The following KAZN variants were observed in gnomAD, a reference collection of about 807,000 sequenced individuals.
KAZN encodes kazrin.
KAZN carries 40 observed loss-of-function variants against 87.4 expected under a neutral mutation model. The observed-to-expected ratio is 0.46, with a 90% confidence interval of 0.36 to 0.60. The LOEUF (loss-of-function observed/expected upper bound fraction) is 0.60, where lower values mean the gene tolerates loss of function less well. Among genes scored for constraint, KAZN ranks in the 20% least tolerant of loss-of-function variants. The pLI is 0.00. For missense variants in KAZN, 898 were observed against 1,073.9 expected (o/e 0.84, Z 2.29); for synonymous variants, 466 against 458.3 (o/e 1.02, Z -0.22).
intron 1 of KAZN, among the ~76,000 whole-genome samples, chr1:14,173,651 G>GT (rs998156643): frequency 6.1e-5 from 9 of 148,476 alleles, no homozygotes; most frequent in East Asian, 2.2e-4. Context: ...GGGCTTTGTA[G>GT]TTCCCCTCCC....
At chr1:15,093,953 T>C (rs1185904514) in intron 8 of KAZN, among the ~76,000 whole-genome samples, 1 of 152,194 alleles carries the variant, frequency 6.6e-6, no homozygotes, top group Non-Finnish European at 1.5e-5. Flanking sequence ...TCATTTACTG[T>C]TTTATTTTTT....
chr1:14,816,544 C>A (rs575500802), intron 1 of KAZN, among the ~76,000 whole-genome samples: 2 of 152,206 alleles, frequency 1.3e-5, no homozygotes, highest in African/African-American at 4.8e-5. Context: ...GACTTCATGG[C>A]ACCAGCAAGG....
rs182391277 is a variant in KAZN at position 14,357,732 on chromosome 1, T to C, written c.249+177140T>C. Among the ~76,000 whole-genome samples the C allele has an allele frequency of 1.7e-3, 264 of 152,298 alleles. 2 individuals are homozygous for C. The highest frequency in any genetic ancestry group is 5.0e-3 in the African/African-American group (207 of 41,556). ...TTATGTGACGGATTACATTTATTGA[T>C]TTGTGTATGTTGAACCAGCCTTGCA... On this transcript the variant is annotated intron_variant, in intron 2 of 16. Transcript: ENST00000636203.
chr1:14,491,003 G>T (rs2148408015), intron 2 of KAZN, among the ~76,000 whole-genome samples: 1 of 152,288 alleles, frequency 6.6e-6, no homozygotes, highest in South Asian at 2.1e-4. Flanking sequence ...GAGAAGAATT[G>T]TCATTGTCAC....
intron 2 of KAZN, among the ~76,000 whole-genome samples, chr1:14,414,526 C>CA (rs1664585362): frequency 1.3e-5 from 2 of 151,892 alleles, no homozygotes; most frequent in East Asian, 1.9e-4. Flanking sequence ...TAATGCTTAG[C>CA]AAAAAATAAG....
In KAZN at chr1:14,856,224, GA is replaced by G. The variant is rs908213667; in HGVS notation, c.227-104458del. On this transcript the variant is annotated intron_variant, in intron 1 of 14. Transcript: ENST00000376030. The surrounding 1 kb of genome is among the most constrained non-coding windows in gnomAD (Gnocchi z 5.2). ...AATTGGGGAGGGGATGAAAAGAGGG[GA>G]AGGGAAGACCAGAAATAACTTTCCC... Among the ~76,000 whole-genome samples the G allele has an allele frequency of 2.0e-5, 3 of 152,094 alleles. No individual in the cohort carries two copies. The highest frequency in any genetic ancestry group is 7.2e-5 in the African/African-American group (3 of 41,412).
chr1:14,896,041 CTTTTTTTTTTTT>C (rs201188620), intron 1 of KAZN, among the ~76,000 whole-genome samples: 5 of 140,760 alleles, frequency 3.6e-5, no homozygotes, highest in East Asian at 2.1e-4. Flanking sequence ...AAAAAGACGC[CTTTTTTTTTTTT>C]TTTTTTTTTT....
intron 1 of KAZN, among the ~76,000 whole-genome samples, chr1:14,613,080 A>G (rs1433192174): frequency 6.6e-6 from 1 of 152,192 alleles, no homozygotes; most frequent in Non-Finnish European, 1.5e-5. Flanking sequence ...TGCTCCCAGG[A>G]TGAGCCGAAC....
intron 2 of KAZN, among the ~76,000 whole-genome samples, chr1:14,488,186 T>C (rs1398591523): frequency 6.6e-6 from 1 of 152,200 alleles, no homozygotes; most frequent in African/African-American, 2.4e-5. Context: ...CTCTTCAGTA[T>C]CATGTAGAGG....
intron 2 of KAZN, among the ~76,000 whole-genome samples, chr1:14,188,042 A>G (rs1489617783): frequency 6.6e-6 from 1 of 152,164 alleles, no homozygotes; most frequent in Admixed American, 6.5e-5. Flanking sequence ...GCAACTGACT[A>G]TAAATATGGG....
intron 2 of KAZN, among the ~76,000 whole-genome samples, chr1:14,254,417 C>G (rs531151882): frequency 5.3e-5 from 8 of 152,178 alleles, no homozygotes; most frequent in African/African-American, 7.2e-5. Flanking sequence ...AAGCTGCACT[C>G]GACCATTCCT....
intron 2 of KAZN, among the ~76,000 whole-genome samples, chr1:14,180,809 A>G (rs1646181748): frequency 1.3e-5 from 2 of 152,188 alleles, no homozygotes; most frequent in Non-Finnish European, 2.9e-5. Flanking sequence ...ACAGCTTAAG[A>G]ACAGTATATT....
chr1:14,530,636 C>G (rs1218038658), intron 2 of KAZN, among the ~76,000 whole-genome samples: 1 of 152,118 alleles, frequency 6.6e-6, no homozygotes. Flanking sequence ...CTCTCTCTCT[C>G]GCTCCCTTTC....
chr1:15,049,019 G>C (rs914087783), intron 4 of KAZN, among the ~76,000 whole-genome samples: 1 of 152,226 alleles, frequency 6.6e-6, no homozygotes, highest in African/African-American at 2.4e-5. Context: ...TTCATGCGCA[G>C]TCACTCCAGT....
At chr1:14,897,130 T>C (rs1472274007) in intron 1 of KAZN, among the ~76,000 whole-genome samples, 2 of 152,202 alleles carry the variant, frequency 1.3e-5, no homozygotes, top group Non-Finnish European at 2.9e-5. Context: ...GGGTGTCAGC[T>C]TCATCCTCAG....
At chr1:13,916,231 A>G (rs1326874389) in intron 1 of KAZN, among the ~76,000 whole-genome samples, 3 of 152,164 alleles carry the variant, frequency 2.0e-5, no homozygotes, top group East Asian at 3.9e-4. Context: ...CCAGCCGCAT[A>G]TGAAGGGTGA....
At chr1:14,428,254 A>C (rs1309066868) in intron 2 of KAZN, among the ~76,000 whole-genome samples, 2 of 152,166 alleles carry the variant, frequency 1.3e-5, no homozygotes, top group Non-Finnish European at 2.9e-5. Flanking sequence ...AAATGAGCTC[A>C]GAGAGGCCCG....
chr1:14,424,130 GC>G (rs896049640), intron 2 of KAZN, among the ~76,000 whole-genome samples: 4 of 152,130 alleles, frequency 2.6e-5, no homozygotes, highest in African/African-American at 9.7e-5. Flanking sequence ...GTAAACTTGG[GC>G]AAGTAGCTTA....
At chr1:14,850,583 C>T (rs1649317418) in intron 1 of KAZN, among the ~76,000 whole-genome samples, 1 of 152,210 alleles carries the variant, frequency 6.6e-6, no homozygotes, top group African/African-American at 2.4e-5. Flanking sequence ...CACCTTCCAC[C>T]TCACTGCCAT....
Sources: allele counts gnomAD v4.1 joint callset (sites outside exome capture counted in the v4.1 genomes callset), GRCh38; gene constraint gnomAD v4.1.1; non-coding constraint Gnocchi (gnomAD v3.1); transcripts MANE v1.5; gene names NCBI Gene and HGNC (gene_info 2026-07-23, HGNC 2026-07-21).